DLG2: variants seen among roughly 807,000 people sequenced by gnomAD.
DLG2 encodes disks large homolog 2.
In DLG2, 45 loss-of-function variants were observed where a neutral mutation model predicts 132.5. The ratio of observed to expected loss-of-function variants is 0.34; its 90% CI spans 0.27 to 0.44. The LOEUF is 0.44. Among genes scored for constraint, DLG2 ranks in the 20% least tolerant of loss-of-function variants. The probability of loss-of-function intolerance (pLI) is 1.00; values close to 1 mark genes in which losing one functional copy is unlikely to be tolerated. For synonymous variants in DLG2, 424 were observed against 419.6 expected (o/e 1.01, Z -0.13); for missense variants, 1,045 against 1,196.9 (o/e 0.87, Z 1.87).
At chr11:85,501,593 C>G (rs559688601) in intron 3 of DLG2, among the ~76,000 whole-genome samples, 1 of 152,134 alleles carries the variant, frequency 6.6e-6, no homozygotes, top group South Asian at 2.1e-4. Flanking sequence ...AACAACCCAT[C>G]AAAAAATGGG....
chr11:84,808,062 T>C lies in DLG2; in HGVS notation c.358-273331A>G, dbSNP rs147445552. On this transcript the variant is annotated intron_variant, in intron 6 of 27. Coordinates refer to ENST00000376104, the MANE Select transcript of DLG2 (RefSeq NM_001142699.3). ...ATACATATTTTTTCTCAAGTGCCCA[T>C]AGAACATTTACAATGCATTGTATCC... Among the ~76,000 whole-genome samples, 145 of 152,216 alleles carry C rather than the reference T, an allele frequency of 9.5e-4. 2 individuals are homozygous for C. Among genetic ancestry groups the C allele is most frequent in the Middle Eastern group, 6.8e-3 (2 of 294 alleles).
intron 4 of DLG2, among the ~76,000 whole-genome samples, chr11:85,190,596 A>G (rs2080448335): frequency 6.6e-6 from 1 of 152,210 alleles, no homozygotes; most frequent in African/African-American, 2.4e-5. Flanking sequence ...GAAAAAATAA[A>G]CAAGATTGAT....
At chr11:84,660,374 G>A (rs1014955417) in intron 6 of DLG2, among the ~76,000 whole-genome samples, 6 of 152,060 alleles carry the variant, frequency 3.9e-5, no homozygotes, top group Non-Finnish European at 7.4e-5. Flanking sequence ...ATATTTCACT[G>A]GGTACCCTGA....
At chr11:84,180,170 T>A (rs544825525) in intron 8 of DLG2, among the ~76,000 whole-genome samples, 2 of 152,058 alleles carry the variant, frequency 1.3e-5, no homozygotes, top group South Asian at 4.2e-4. Flanking sequence ...AGACGAATAA[T>A]GTAAGTAGAG....
chr11:84,742,154 A>G (rs989543154), intron 6 of DLG2, among the ~76,000 whole-genome samples: 3 of 152,138 alleles, frequency 2.0e-5, no homozygotes, highest in Non-Finnish European at 4.4e-5. Flanking sequence ...TATACGATTT[A>G]TGGGGCACTA....
At chr11:83,548,236 C>T (rs1433946851) in intron 19 of DLG2, among the ~76,000 whole-genome samples, 2 of 152,010 alleles carry the variant, frequency 1.3e-5, no homozygotes, top group African/African-American at 4.8e-5. Context: ...ATCTCTAGAG[C>T]CTTATGTGGC....
chr11:83,635,257 A>C (rs1312814549), intron 18 of DLG2, among the ~76,000 whole-genome samples: 3 of 152,188 alleles, frequency 2.0e-5, no homozygotes, highest in Admixed American at 2.0e-4. Context: ...AAATTAAGGA[A>C]AAATAAAGAT....
rs775215405 is a variant in DLG2, at chr11:84,502,857, C to G, written c.519+31713G>C. ...AAGGGGAGAAAAAGAAAACAAAAATCAAAACTAATAAAAATCTGGACAATA... is the reference window on the plus strand; with the variant it reads ...AAGGGGAGAAAAAGAAAACAAAAATGAAAACTAATAAAAATCTGGACAATA... On this transcript the variant is annotated intron_variant, in intron 7 of 27. Transcript: ENST00000376104. Among the ~76,000 whole-genome samples, 68 of 151,986 alleles carry G rather than the reference C, an allele frequency of 4.5e-4. 2 individuals carry two copies. The highest frequency in any genetic ancestry group is 5.2e-4 in the Admixed American group (8 of 15,256).
chr11:84,169,954 C>T (rs990273851), intron 8 of DLG2, among the ~76,000 whole-genome samples: 5 of 152,116 alleles, frequency 3.3e-5, no homozygotes, highest in Non-Finnish European at 7.4e-5. Context: ...TATTCCCTTG[C>T]CCAGTATTGA....
At chr11:83,610,238 CT>C (rs1270082565) in intron 19 of DLG2, among the ~76,000 whole-genome samples, 1 of 152,120 alleles carries the variant, frequency 6.6e-6, no homozygotes, top group Non-Finnish European at 1.5e-5. Flanking sequence ...GAGTTTACCT[CT>C]TCCTATCTAT....
Position 83,461,939 on chromosome 11 carries a change from T to C in DLG2, c.2821+63A>G. 3.5e-6 allele frequency: 4 copies of C among 1,147,292 alleles called. No homozygotes were observed. The East Asian group carries it at 9.4e-5, about 27-fold the overall frequency. 71.1% of individuals were successfully genotyped at this position (1,147,292 alleles called of 1,614,324 possible). ...CAAGTACACCAGGCCCAGAACCCTC[T>C]CTGTGCCAAATGTCAGACAATTTAT... On this transcript the variant is annotated intron_variant, in intron 27 of 27. Coordinates refer to ENST00000376104, the MANE Select transcript of DLG2 (RefSeq NM_001142699.3).
chr11:84,392,194 T>C (rs1200949541), intron 7 of DLG2, among the ~76,000 whole-genome samples: 1 of 152,206 alleles, frequency 6.6e-6, no homozygotes, highest in Admixed American at 6.5e-5. Context: ...TGTGCCCCTG[T>C]ACTTCTTCTT....
chr11:83,669,831 A>G (rs1229235102), intron 18 of DLG2, among the ~76,000 whole-genome samples: 1 of 152,244 alleles, frequency 6.6e-6, no homozygotes, highest in Non-Finnish European at 1.5e-5. Context: ...AATACTTTCT[A>G]GATAACTGAA....
At chr11:85,481,521 G>C (rs1051602974) in intron 3 of DLG2, among the ~76,000 whole-genome samples, 15 of 152,126 alleles carry the variant, frequency 9.9e-5, no homozygotes, top group Non-Finnish European at 2.2e-4. Flanking sequence ...TTCCACTTGA[G>C]AGAAGGAGAG....
chr11:84,159,749 A>C (rs973052801), intron 9 of DLG2, among the ~76,000 whole-genome samples: 1 of 152,176 alleles, frequency 6.6e-6, no homozygotes, highest in Non-Finnish European at 1.5e-5. Context: ...AGCAGGGTAA[A>C]AGTGGAAGCT....
intron 16 of DLG2, among the ~76,000 whole-genome samples, chr11:83,850,154 GTGTGTGTTT>G (rs1487049648): frequency 1.4e-4 from 19 of 131,346 alleles, no homozygotes; most frequent in African/African-American, 6.8e-4. Flanking sequence ...GTGTGTGTGT[GTGTGTGTTT>G]TTTTACTTGA....
chr11:84,964,086 A>C (rs1242630716), intron 6 of DLG2, among the ~76,000 whole-genome samples: 1 of 152,156 alleles, frequency 6.6e-6, no homozygotes, highest in East Asian at 1.9e-4. Flanking sequence ...CTATAAAAAT[A>C]AGAAAAAACA....
chr11:84,303,866 A>C (rs1211758305), intron 7 of DLG2, among the ~76,000 whole-genome samples: 1 of 152,208 alleles, frequency 6.6e-6, no homozygotes, highest in Non-Finnish European at 1.5e-5. Flanking sequence ...CACCTGCATA[A>C]TCAGTAATAA....
chr11:85,396,273 A>T (rs975152659), intron 3 of DLG2, among the ~76,000 whole-genome samples: 10 of 152,154 alleles, frequency 6.6e-5, no homozygotes, highest in Admixed American at 5.2e-4. Flanking sequence ...CATCTTTAGG[A>T]CACCAGAATC....
Sources: allele counts gnomAD v4.1 joint callset (sites outside exome capture counted in the v4.1 genomes callset), GRCh38; gene constraint gnomAD v4.1.1; transcripts MANE v1.5; gene names NCBI Gene and HGNC (gene_info 2026-07-23, HGNC 2026-07-21).